The following PTPRM variants were observed in gnomAD, a reference collection of about 807,000 sequenced individuals.
PTPRM encodes receptor-type tyrosine-protein phosphatase mu.
Under a neutral mutation model 186.7 loss-of-function variants are expected in PTPRM, and 47 were observed. The observed-to-expected ratio is 0.25, with a 90% CI of 0.20 to 0.32. PTPRM has a LOEUF of 0.32. Ranked by LOEUF, PTPRM falls within the 10% of genes least tolerant of loss-of-function variation. PTPRM has a pLI of 1.00. For synonymous variants in PTPRM, 668 were observed against 674.9 expected (o/e 0.99, Z 0.16); for missense variants, 1,494 against 1,865.0 (o/e 0.80, Z 3.66).
intron 2 of PTPRM, among the ~76,000 whole-genome samples, chr18:7,856,880 G>A (rs972235339): frequency 1.3e-5 from 2 of 152,078 alleles, no homozygotes; most frequent in African/African-American, 4.8e-5. Context: ...ATGCAGAGGC[G>A]GTACTCACCT....
At chr18:8,350,226 T>A (rs1275827690) in intron 23 of PTPRM, among the ~76,000 whole-genome samples, 1 of 152,192 alleles carries the variant, frequency 6.6e-6, no homozygotes, top group East Asian at 1.9e-4. Flanking sequence ...ACAGACTGTC[T>A]TTGTGTCCCA....
chr18:8,055,737 G>A (rs1460124412), intron 7 of PTPRM, among the ~76,000 whole-genome samples: 1 of 152,140 alleles, frequency 6.6e-6, no homozygotes, highest in African/African-American at 2.4e-5. Flanking sequence ...AAAGTAGGAG[G>A]CCTATATTTA....
At position 8,372,056 on chromosome 18, in the gene PTPRM, C is replaced by CTTT. The variant is rs557766971; in HGVS notation, c.3171+1074_3171+1076dup. 9.2e-3 allele frequency among the ~76,000 whole-genome samples: 541 copies of CTTT among 59,046 alleles called. 114 individuals are homozygous for CTTT. The highest frequency in any genetic ancestry group is 0.02 in the African/African-American group (389 of 19,286). 38.7% of individuals were successfully genotyped at this position (59,046 alleles called of 152,430 possible). A position where few individuals can be genotyped will look rare whatever the true frequency, so the allele number is the denominator to read the frequency against. On this transcript the variant is annotated intron_variant, in intron 24 of 32. Transcript: ENST00000580170. ...TTGGCCTTCCTCTCCACTCTATATT[C>CTTT]TTTTTTTTTTTTTTTTTTTTTTTTT...
intron 1 of PTPRM, among the ~76,000 whole-genome samples, chr18:7,650,508 C>G (rs900580379): frequency 1.5e-5 from 2 of 136,464 alleles, no homozygotes; most frequent in South Asian, 2.6e-4. Context: ...TAATAAAACT[C>G]TGATATCTTA....
rs185015503 is a variant in PTPRM at position 8,117,256 on chromosome 18, A to G, written c.2167+2429A>G. Reference sequence around the variant, plus strand: ...CACAGAGTAAAGATGTTTAAAATGTAGAAGAGTTCAAACATCCTGAGTGTG... The same window carrying G: ...CACAGAGTAAAGATGTTTAAAATGTGGAAGAGTTCAAACATCCTGAGTGTG... On this transcript the variant is annotated intron_variant, in intron 13 of 32. Coordinates refer to ENST00000580170, the MANE Select transcript of PTPRM (RefSeq NM_001105244.2). 2.2e-3 allele frequency among the ~76,000 whole-genome samples: 339 copies of G among 152,320 alleles called. 1 individual carries two copies. Among genetic ancestry groups the G allele is most frequent in the African/African-American group, 7.7e-3 (320 of 41,586 alleles).
chr18:8,211,885 G>A (rs910261855), intron 14 of PTPRM, among the ~76,000 whole-genome samples: 4 of 152,098 alleles, frequency 2.6e-5, no homozygotes, highest in South Asian at 2.1e-4. Context: ...TGGAGGGCTC[G>A]CTGGAGGCTG....
At chr18:7,942,657 G>T (rs1242939776) in intron 5 of PTPRM, among the ~76,000 whole-genome samples, 1 of 152,026 alleles carries the variant, frequency 6.6e-6, no homozygotes, top group African/African-American at 2.4e-5. Context: ...GGGGCGGGGA[G>T]GGAATGGTCT....
intron 23 of PTPRM, among the ~76,000 whole-genome samples, chr18:8,360,557 T>C (rs997016490): frequency 1.2e-4 from 19 of 152,218 alleles, no homozygotes; most frequent in Non-Finnish European, 2.1e-4. Flanking sequence ...ACTGGTCACC[T>C]TGGCCAATAC....
chr18:7,613,009 T>C (rs2037714481), intron 1 of PTPRM, among the ~76,000 whole-genome samples: 1 of 152,064 alleles, frequency 6.6e-6, no homozygotes, highest in Non-Finnish European at 1.5e-5. Flanking sequence ...GTAACAGAAA[T>C]CGCCCTCTTA....
At chr18:8,388,635 C>T (rs765863629) in intron 31 of PTPRM, among the ~76,000 whole-genome samples, 56 of 152,250 alleles carry the variant, frequency 3.7e-4, no homozygotes, top group Middle Eastern at 6.8e-3. Flanking sequence ...TTGCTGTCAT[C>T]CCCCCTTTCT....
At chr18:7,857,372 C>G (rs1363723545) in intron 2 of PTPRM, among the ~76,000 whole-genome samples, 1 of 152,104 alleles carries the variant, frequency 6.6e-6, no homozygotes, top group Non-Finnish European at 1.5e-5. Context: ...GCTGATTGCC[C>G]TGTAGTCTAA....
At chr18:7,675,459 A>T (rs1312766638) in intron 1 of PTPRM, among the ~76,000 whole-genome samples, 1 of 152,168 alleles carries the variant, frequency 6.6e-6, no homozygotes, top group Non-Finnish European at 1.5e-5. Flanking sequence ...CTGAGAGCCC[A>T]TGTATTTAGA....
At chr18:7,623,353 A>C (rs1030182023) in intron 1 of PTPRM, among the ~76,000 whole-genome samples, 11 of 152,170 alleles carry the variant, frequency 7.2e-5, no homozygotes, top group African/African-American at 2.2e-4. Context: ...GATAAAACAT[A>C]CTACCTACTC....
chr18:8,017,038 A>G (rs149913777), intron 7 of PTPRM, among the ~76,000 whole-genome samples: 105 of 152,290 alleles, frequency 6.9e-4, no homozygotes, highest in African/African-American at 2.4e-3. Context: ...TTTTTTTTCT[A>G]CATTCATCTA....
chr18:7,964,503 G>A (rs968314998), intron 7 of PTPRM, among the ~76,000 whole-genome samples: 3 of 152,152 alleles, frequency 2.0e-5, no homozygotes, highest in Non-Finnish European at 2.9e-5. Context: ...TCTTCATAAT[G>A]CTGCTGGGAA....
intron 1 of PTPRM, among the ~76,000 whole-genome samples, chr18:7,627,696 T>G (rs1270692069): frequency 6.6e-6 from 1 of 152,212 alleles, no homozygotes; most frequent in Non-Finnish European, 1.5e-5. Context: ...GTTGAGTACT[T>G]GGCTTTGCCA....
chr18:7,777,100 G>A (rs1451107088), intron 2 of PTPRM, among the ~76,000 whole-genome samples: 1 of 152,150 alleles, frequency 6.6e-6, no homozygotes, highest in Admixed American at 6.5e-5. Flanking sequence ...GGGCAAATGG[G>A]TGGGAAAATC....
chr18:7,583,392 G>C (rs1465178609), intron 1 of PTPRM, among the ~76,000 whole-genome samples: 1 of 152,166 alleles, frequency 6.6e-6, no homozygotes, highest in South Asian at 2.1e-4. Context: ...ATGGACAGTG[G>C]CTACAGCTGA....
At position 7,627,193 on chromosome 18, in the gene PTPRM, A is replaced by G. The variant is rs1267142457; in HGVS notation, c.73+59302A>G. On this transcript the variant is annotated intron_variant, in intron 1 of 32. Coordinates refer to ENST00000580170, the MANE Select transcript of PTPRM (RefSeq NM_001105244.2). ...ACCTCCTGACCTCACTGACTTGCACAACCAGCCACCCTGTCATTACTCTGG... is the reference window on the plus strand; with the variant it reads ...ACCTCCTGACCTCACTGACTTGCACGACCAGCCACCCTGTCATTACTCTGG... Among the ~76,000 whole-genome samples, 4 of 152,232 alleles carry G rather than the reference A, an allele frequency of 2.6e-5. No individual in the cohort carries two copies. The East Asian group carries it at 7.8e-4, about 30-fold the overall frequency.
Sources: allele counts gnomAD v4.1 joint callset (sites outside exome capture counted in the v4.1 genomes callset), GRCh38; gene constraint gnomAD v4.1.1; transcripts MANE v1.5; gene names NCBI Gene and HGNC (gene_info 2026-07-23, HGNC 2026-07-21).